LRBA: variants seen among roughly 807,000 people sequenced by gnomAD.
LRBA encodes lipopolysaccharide-responsive and beige-like anchor protein.
Under a neutral mutation model 330.0 loss-of-function variants are expected in LRBA, and 176 were observed. The observed-to-expected ratio is 0.53, with a 90% CI of 0.47 to 0.60. The LOEUF (loss-of-function observed/expected upper bound fraction) is 0.60. LRBA is among the 20% of genes least tolerant of loss of function. The probability of loss-of-function intolerance (pLI) is 0.00; values close to 1 mark genes in which losing one functional copy is unlikely to be tolerated. For missense variants in LRBA, 3,259 were observed against 3,444.8 expected (o/e 0.95, Z 1.35); for synonymous variants, 1,230 against 1,193.0 (o/e 1.03, Z -0.64).
In LRBA at chr4:150,914,175, C is replaced by T; in HGVS notation, c.1161+20G>A. The T allele has an allele frequency of 6.3e-7, 1 of 1,584,090 alleles. No individual in the cohort carries two copies. The highest frequency in any genetic ancestry group is 8.6e-7 in the Non-Finnish European group (1 of 1,162,902). ...AAGCTGAACTAACATTGGTTAAGCACAAAACAGTAAGCAAACTACCTTGTA... is the reference window on the plus strand; with the variant it reads ...AAGCTGAACTAACATTGGTTAAGCATAAAACAGTAAGCAAACTACCTTGTA... On this transcript the variant is annotated intron_variant, in intron 9 of 56. Coordinates refer to ENST00000651943, the MANE Select transcript of LRBA (RefSeq NM_001364905.1).
At chr4:150,600,018 CT>C (rs1773957609) in intron 37 of LRBA, among the ~76,000 whole-genome samples, 1 of 151,908 alleles carries the variant, frequency 6.6e-6, no homozygotes, top group Admixed American at 6.6e-5. Context: ...TATATTTCCC[CT>C]ATTACATACA....
chr4:150,462,887 T>C (rs1023222491), intron 44 of LRBA, among the ~76,000 whole-genome samples: 1 of 151,892 alleles, frequency 6.6e-6, no homozygotes, highest in Non-Finnish European at 1.5e-5. Context: ...AATTCTATTA[T>C]AATCATTATT....
intron 44 of LRBA, among the ~76,000 whole-genome samples, chr4:150,452,900 G>A (rs1415887778): frequency 2.6e-5 from 4 of 152,064 alleles, no homozygotes; most frequent in African/African-American, 9.7e-5. Flanking sequence ...ACAAAATTCA[G>A]CTGTATTTCT....
At chr4:150,267,104 G>A (rs561417090) in intron 56 of LRBA, among the ~76,000 whole-genome samples, 1 of 152,136 alleles carries the variant, frequency 6.6e-6, no homozygotes, top group South Asian at 2.1e-4. Context: ...AGTTTTAGAC[G>A]TCAATACCCC....
chr4:150,983,548 G>T (rs1279806687), intron 2 of LRBA, among the ~76,000 whole-genome samples: 1 of 151,018 alleles, frequency 6.6e-6, no homozygotes, highest in Non-Finnish European at 1.5e-5. Context: ...CTGCCTCTGG[G>T]TTCAAGTGAT....
chr4:150,718,940 T>C (rs1189071507), intron 36 of LRBA, among the ~76,000 whole-genome samples: 2 of 152,070 alleles, frequency 1.3e-5, no homozygotes, highest in African/African-American at 4.8e-5. Flanking sequence ...AAGTTGTAAC[T>C]CTAGGTTATT....
At chr4:150,888,262 T>G (rs1729151433) in intron 17 of LRBA, among the ~76,000 whole-genome samples, 1 of 152,220 alleles carries the variant, frequency 6.6e-6, no homozygotes, top group South Asian at 2.1e-4. Flanking sequence ...AAAAATTGTT[T>G]CTGTCAAAAC....
chr4:150,384,513 G>A (rs72955804), intron 47 of LRBA, among the ~76,000 whole-genome samples: 3,928 of 152,144 alleles, frequency 0.026, 143 homozygotes, highest in African/African-American at 0.085. Context: ...CCTAGTTAAG[G>A]TTATGAAACA....
chr4:150,374,569 C>A (rs1304559980), intron 47 of LRBA, among the ~76,000 whole-genome samples: 2 of 152,064 alleles, frequency 1.3e-5, no homozygotes, highest in Non-Finnish European at 2.9e-5. Flanking sequence ...ATACCTAATC[C>A]AAAAATTCAA....
intron 2 of LRBA, among the ~76,000 whole-genome samples, chr4:150,993,561 G>A (rs1454477352): frequency 1.3e-5 from 2 of 152,120 alleles, no homozygotes; most frequent in Admixed American, 6.6e-5. Context: ...TCATGCTATT[G>A]ATAAAGACAT....
Position 150,935,616 on chromosome 4 carries a change from C to T in LRBA, c.217-6551G>A, listed in dbSNP as rs928581425. 2.6e-5 allele frequency among the ~76,000 whole-genome samples: 4 copies of T among 151,922 alleles called. No homozygotes were observed. The East Asian group carries it at 7.7e-4, about 29-fold the overall frequency. On this transcript the variant is annotated intron_variant, in intron 2 of 56. Coordinates refer to ENST00000651943, the MANE Select transcript of LRBA (RefSeq NM_001364905.1). ...TTTTTTTCTGAAACTTATAGTGATT[C>T]TAATTTCTATCTGGGAATTAAATAT...
intron 40 of LRBA, among the ~76,000 whole-genome samples, chr4:150,528,193 G>A (rs753436381): frequency 2.0e-5 from 3 of 152,032 alleles, no homozygotes; most frequent in Non-Finnish European, 4.4e-5. Context: ...GGAAGATAGG[G>A]ATAGGGAAAA....
chr4:150,521,944 A>G (rs1762962816), intron 40 of LRBA, among the ~76,000 whole-genome samples: 1 of 152,230 alleles, frequency 6.6e-6, no homozygotes, highest in South Asian at 2.1e-4. Context: ...AATCTCAAAT[A>G]TAACCATGAA....
At chr4:150,693,359 C>T (rs1469641417) in intron 36 of LRBA, among the ~76,000 whole-genome samples, 3 of 151,546 alleles carry the variant, frequency 2.0e-5, no homozygotes, top group Non-Finnish European at 4.4e-5. Flanking sequence ...GTCAGGAGAT[C>T]GAGACCATCC....
At position 150,350,062 on chromosome 4, in the gene LRBA, T is replaced by C. The variant is rs972740124; in HGVS notation, c.7292A>G (p.Asn2431Ser). Residue 2431 changes from asparagine (N) to serine (S), a missense_variant, in exon 48 of 57, where the codon AAT becomes AGT. Transcript: ENST00000651943. ...QQGPEAVRALNVFYYLTYEGA... is the reference protein window; with the variant it reads ...QQGPEAVRALSVFYYLTYEGA... ...TTCATAGGTCAAGTAATAGAACACA[T>C]TGAGGGCTCGGACAGCTTCTGGTCC... The C allele has an allele frequency of 1.2e-5, 19 of 1,613,584 alleles. No individual in the cohort carries two copies. Among genetic ancestry groups the C allele is most frequent in the East Asian group, 2.2e-5 (1 of 44,844 alleles).
At chr4:150,525,528 C>T (rs1249976925) in intron 40 of LRBA, among the ~76,000 whole-genome samples, 2 of 152,132 alleles carry the variant, frequency 1.3e-5, no homozygotes, top group East Asian at 3.9e-4. Context: ...AACCACAGAT[C>T]TCTAGAACAA....
intron 2 of LRBA, among the ~76,000 whole-genome samples, chr4:151,007,129 T>C (rs1744164115): frequency 6.6e-6 from 1 of 152,246 alleles, no homozygotes; most frequent in Admixed American, 6.5e-5. Flanking sequence ...TGAGTCCAGA[T>C]AAATCCTTAC....
chr4:150,571,663 T>G (rs561900592), intron 40 of LRBA, among the ~76,000 whole-genome samples: 8 of 147,168 alleles, frequency 5.4e-5, no homozygotes, highest in African/African-American at 9.9e-5. Flanking sequence ...TTTTTTTTTT[T>G]TTTTTTTTTT....
chr4:150,640,126 G>A (rs1172888194), intron 37 of LRBA, among the ~76,000 whole-genome samples: 1 of 151,434 alleles, frequency 6.6e-6, no homozygotes, highest in Admixed American at 6.6e-5. Flanking sequence ...CAAAATGCTG[G>A]GAATACAGGC....
Sources: gnomAD v4.1 joint callset for allele counts (sites outside exome capture counted in the v4.1 genomes callset) on GRCh38, gnomAD v4.1.1 for gene constraint, MANE v1.5 for transcripts, NCBI Gene and HGNC (gene_info 2026-07-23, HGNC 2026-07-21) for gene names.